Variants in SNAPC4 observed in about 807,000 individuals in gnomAD.
SNAPC4 encodes the protein snRNA-activating protein complex subunit 4.
A neutral mutation model predicts 151.3 loss-of-function variants in SNAPC4; 127 were observed. The ratio of observed to expected loss-of-function variants is 0.84; its 90% CI spans 0.73 to 0.97. The LOEUF (loss-of-function observed/expected upper bound fraction) is 0.97. Among genes scored for constraint, SNAPC4 ranks in the 50% least tolerant of loss-of-function variants. SNAPC4 has a pLI of 0.00. For missense variants in SNAPC4, 2,186 were observed against 1,935.0 expected, an observed-to-expected ratio of 1.13 and a Z score of -2.43; for synonymous variants, 1,002 against 824.4, an observed-to-expected ratio of 1.22 and a Z score of -3.69.
chr9:136,385,775 T>C (rs763724393), intron 13 of SNAPC4, among the ~76,000 whole-genome samples: 3 of 152,182 alleles, frequency 2.0e-5, no homozygotes, highest in African/African-American at 4.8e-5. Context: ...AGGCTGGTCT[T>C]GAACTCCTGA....
In SNAPC4 at chr9:136,383,755, G is replaced by A; in HGVS notation, c.1501-87C>T. 1.3e-6 allele frequency: 2 copies of A among 1,516,834 alleles called. No homozygotes were observed. Among genetic ancestry groups the A allele is most frequent in the African/African-American group, 1.4e-5 (1 of 72,656 alleles). The allele number at this position is 1,516,834 out of a possible 1,614,324, so 94.0% of individuals were successfully genotyped here. On this transcript the variant is annotated intron_variant, in intron 15 of 23. Coordinates refer to ENST00000684778, the MANE Select transcript of SNAPC4 (RefSeq NM_003086.4). This position sits in a 1 kb window ranked among gnomAD's most constrained non-coding sequence, Gnocchi z 4.2. Reference sequence around the variant, plus strand: ...AAGCAGGCCAGCCCTTTGGGGAGAGGCCCAAGCGGGGGCGCCTCCGGGGTC... The same window carrying A: ...AAGCAGGCCAGCCCTTTGGGGAGAGACCCAAGCGGGGGCGCCTCCGGGGTC...
intron 20 of SNAPC4, among the ~76,000 whole-genome samples, 185 bp downstream of exon 20, chr9:136,380,555 G>A (rs1053496671): frequency 6.6e-6 from 1 of 152,170 alleles, no homozygotes; most frequent in South Asian, 2.1e-4. Context: ...TGTCAGCCCC[G>A]ACCTGCACCT....
Position 136,378,042 on chromosome 9 carries a change from G to C in SNAPC4, c.3785C>G (p.Pro1262Arg). 1 of 1,584,496 alleles carries C rather than the reference G, an allele frequency of 6.3e-7. No homozygotes were observed. Reference protein sequence around the residue: ...LDLEKPPLPQPGPEKGALDLG... With the variant: ...LDLEKPPLPQRGPEKGALDLG... ...GTCCAGGGCCCCCTTCTCAGGCCCAGGCTGGGGTAGGGGCGGCTTCTCCAG... is the reference window on the plus strand; with the variant it reads ...GTCCAGGGCCCCCTTCTCAGGCCCACGCTGGGGTAGGGGCGGCTTCTCCAG... The change falls in exon 22 of 24, where the codon CCT becomes CGT. Residue 1262 changes from proline (P) to arginine (R), a missense_variant. Physicochemically the swap from Pro to Arg is moderately radical, Grantham distance 103. Transcript: ENST00000684778.
chr9:136,380,112 G>C (rs569115605), intron 20 of SNAPC4, among the ~76,000 whole-genome samples: 1 of 152,306 alleles, frequency 6.6e-6, no homozygotes, highest in East Asian at 1.9e-4. Context: ...CTGGAGACAC[G>C]CTCTGCACCG....
rs558130629 is a variant in SNAPC4, at chr9:136,395,998, C to T, written c.178-228G>A. ...GCCTGTGTGCGCCTTTCCTAATCCACGGCAGGCAGAGCCTCCAACCTGGAA... is the reference window on the plus strand; with the variant it reads ...GCCTGTGTGCGCCTTTCCTAATCCATGGCAGGCAGAGCCTCCAACCTGGAA... On this transcript the variant is annotated intron_variant, in intron 3 of 23. Transcript: ENST00000684778. Among the ~76,000 whole-genome samples the T allele has an allele frequency of 7.2e-5, 11 of 152,350 alleles. 1 individual carries two copies. The South Asian group carries it at 1.7e-3, about 23-fold the overall frequency.
chr9:136,386,484 G>C (rs989780912), intron 13 of SNAPC4, among the ~76,000 whole-genome samples: 3 of 147,090 alleles, frequency 2.0e-5, no homozygotes, highest in African/African-American at 5.1e-5. Flanking sequence ...GCCCAGGCTA[G>C]AGTGCAATGG....
chr9:136,385,632 T>C (rs1331035250), intron 13 of SNAPC4, among the ~76,000 whole-genome samples: 1 of 151,832 alleles, frequency 6.6e-6, no homozygotes, highest in Non-Finnish European at 1.5e-5. Flanking sequence ...CTCAGCTCGC[T>C]GCAACCACCA....
At position 136,377,817 on chromosome 9, in the gene SNAPC4, G is replaced by A; in HGVS notation, c.4010C>T (p.Ala1337Val). The A allele has an allele frequency of 6.2e-7, 1 of 1,611,580 alleles. No individual in the cohort carries two copies. The highest frequency in any genetic ancestry group is 8.5e-7 in the Non-Finnish European group (1 of 1,179,764). The change falls in exon 22 of 24, where the codon GCT becomes GTT. Residue 1337 changes from alanine to valine, a missense_variant. Ala to Val is a moderately conservative substitution (Grantham distance 64). Transcript: ENST00000684778. ...KATSLVVGGE[A>V]ERPAGALQAS... ...TTGCAGTGCTCCGGCCGGCCGCTCAGCCTCGCCCCCCACCACCAGGGAGGT... is the reference window on the plus strand; with the variant it reads ...TTGCAGTGCTCCGGCCGGCCGCTCAACCTCGCCCCCCACCACCAGGGAGGT...
chr9:136,395,651 C>T lies in SNAPC4; in HGVS notation c.297G>A (p.Glu99=). 1 of 1,613,078 alleles carries T rather than the reference C, an allele frequency of 6.2e-7. No individual in the cohort carries two copies. Among genetic ancestry groups the T allele is most frequent in the Non-Finnish European group, 8.5e-7 (1 of 1,179,952 alleles). Residue 99 remains glutamate, a synonymous_variant, in exon 4 of 24, where the codon GAG becomes GAA. Coordinates refer to ENST00000684778, the MANE Select transcript of SNAPC4 (RefSeq NM_003086.4). ...LNMVYQEVIQ[E]KLAEANLLLA... is the part of the protein sequence containing the mutation. ...GCAGCAGGTTGGCCTCAGCCAGCTT[C>T]TCCTGGATGACCTCCTGGTAGACCA... is the stretch of plus-strand genomic sequence containing the variant.
At chr9:136,393,699 G>A (rs1350811040) in intron 7 of SNAPC4, among the ~76,000 whole-genome samples, 14 of 152,106 alleles carry the variant, frequency 9.2e-5, no homozygotes, top group South Asian at 2.1e-4. Flanking sequence ...CCCGCGCCCC[G>A]AGCCACACCC....
At chr9:136,379,900 T>C in intron 20 of SNAPC4, 36 bp from the exon 21 acceptor site, 1 of 1,600,668 alleles carries the variant, frequency 6.2e-7, no homozygotes, top group Non-Finnish European at 8.5e-7. Context: ...GCAGCTCAGG[T>C]GTCCTCTGCT....
rs1345691007 is a variant in SNAPC4 at position 136,387,786 on chromosome 9, C to T, written c.1186G>A (p.Asp396Asn). The T allele has an allele frequency of 1.2e-6, 2 of 1,613,274 alleles. No homozygotes were observed. The highest frequency in any genetic ancestry group is 3.3e-5 in the Admixed American group (2 of 60,020). ...CAGTAACCCTTCTTCAGACCAGGATCCAAGCTCTTGGTCCATCGGTAGATC... is the reference window on the plus strand; with the variant it reads ...CAGTAACCCTTCTTCAGACCAGGATTCAAGCTCTTGGTCCATCGGTAGATC... ...QLIYRWTKSL[D>N]PGLKKGYWAP... The change falls in exon 12 of 24, where the codon GAT (aspartate) becomes AAT (asparagine). Residue 396 changes from aspartate (D) to asparagine (N), a missense_variant. Asp to Asn is a conservative substitution (Grantham distance 23). Transcript: ENST00000684778.
intron 16 of SNAPC4, among the ~76,000 whole-genome samples, 159 bp from the exon 17 acceptor site, chr9:136,382,495 G>A (rs191121540): frequency 5.3e-5 from 8 of 152,340 alleles, no homozygotes; most frequent in Non-Finnish European, 8.8e-5. Flanking sequence ...CATGGGAAGC[G>A]TGGGTTCCCC....
rs142145346 is a variant in SNAPC4, at chr9:136,381,931, C to T, written c.2210G>A (p.Arg737Gln). The T allele has an allele frequency of 9.8e-4, 1,587 of 1,612,858 alleles. 3 individuals are homozygous for T. Among genetic ancestry groups the T allele is most frequent in the South Asian group, 2.3e-3 (211 of 91,068 alleles). The change falls in exon 18 of 24, where the codon CGG (arginine) becomes CAG (glutamine). Residue 737 changes from arginine (R) to glutamine (Q), a missense_variant. Arg to Gln is a conservative substitution (Grantham distance 43, BLOSUM62 1). Transcript: ENST00000684778. Reference protein sequence around the residue: ...GQRRWRHALHRRLLNRRLLLA... With the variant: ...GQRRWRHALHQRLLNRRLLLA... ...CAGCAGCCTGCGGTTCAGGAGCCTCCGGTGCAGAGCGTGTCTCCAGCGCCG... is the reference window on the plus strand; with the variant it reads ...CAGCAGCCTGCGGTTCAGGAGCCTCTGGTGCAGAGCGTGTCTCCAGCGCCG...
rs1189492133 is a variant in SNAPC4 at position 136,378,124 on chromosome 9, G to A, written c.3703C>T (p.Leu1235=). The stretch of plus-strand genomic sequence containing the variant: ...CGCAGGGGCAGCTTCTCCAGGCCCA[G>A]AGGCCCCCTGGGCTCCTGTGTCCCT... ...PSGTQEPRGP[L]GLEKLPLRQP... Residue 1235 remains leucine (L), a synonymous_variant, in exon 22 of 24, where the codon CTG becomes TTG. Transcript: ENST00000684778. The A allele has an allele frequency of 3.1e-6, 5 of 1,603,384 alleles. No individual in the cohort carries two copies. The East Asian group carries it at 6.8e-5, about 22-fold the overall frequency.
chr9:136,378,341 T>C lies in SNAPC4; in HGVS notation c.3486A>G (p.Gln1162=). 6.2e-7 allele frequency: 1 copy of C among 1,607,966 alleles called. No individual in the cohort carries two copies. The highest frequency in any genetic ancestry group is 1.1e-5 in the South Asian group (1 of 90,070). ...CACTGCCATCCGCTTCTGCAGGACT[T>C]TGGGAGAGGGCGTGTGTGGGAGGAG... is the stretch of plus-strand genomic sequence containing the variant. ...TPAPPTHALS[Q]SPAEADGSVA... The change falls in exon 22 of 24, where the codon CAA becomes CAG. Residue 1162 remains glutamine, a synonymous_variant. Transcript: ENST00000684778.
chr9:136,388,394 A>C, intron 11 of SNAPC4, 50 bp downstream of exon 11: 1 of 1,591,298 alleles, frequency 6.3e-7, no homozygotes. Context: ...CAGTGTCCTG[A>C]TATGGGGCCC....
Position 136,378,919 on chromosome 9 carries a change from G to C in SNAPC4, c.2908C>G (p.Gln970Glu). ...AAKPGTSGSWQEAGTSAKDKR... is the reference protein window; with the variant it reads ...AAKPGTSGSWEEAGTSAKDKR... ...TCCTTGGCTGAAGTCCCAGCCTCCT[G>C]CCAGGAGCCAGAAGTGCCAGGTTTG... is the stretch of plus-strand genomic sequence containing the variant. The change falls in exon 22 of 24, where the codon CAG (glutamine) becomes GAG (glutamate). Residue 970 changes from glutamine (Q) to glutamate (E), a missense_variant. Gln to Glu is a conservative substitution (Grantham distance 29). Coordinates refer to ENST00000684778, the MANE Select transcript of SNAPC4 (RefSeq NM_003086.4). The C allele has an allele frequency of 6.2e-7, 1 of 1,610,904 alleles. No homozygotes were observed. The highest frequency in any genetic ancestry group is 1.7e-4 in the Middle Eastern group (1 of 6,044).
rs376563923 is a variant in SNAPC4, at chr9:136,396,971, A to G, written c.177+6T>C. 1.2e-5 allele frequency: 20 copies of G among 1,612,634 alleles called. No homozygotes were observed. The highest frequency in any genetic ancestry group is 1.4e-5 in the Non-Finnish European group (16 of 1,179,738). Reference sequence around the variant, plus strand: ...AGTGGCACAGCCAGATCAGGCCAACAGTTACCGAGATCGGGGGATCGGCAG... The same window carrying G: ...AGTGGCACAGCCAGATCAGGCCAACGGTTACCGAGATCGGGGGATCGGCAG... On this transcript the variant is annotated splice_donor_region_variant and intron_variant, in intron 3 of 23. Transcript: ENST00000684778.
Sources: allele counts gnomAD v4.1 joint callset (sites outside exome capture counted in the v4.1 genomes callset), GRCh38; gene constraint gnomAD v4.1.1; non-coding constraint Gnocchi (gnomAD v3.1); transcripts MANE v1.5; gene names NCBI Gene and HGNC (gene_info 2026-07-23, HGNC 2026-07-21).